TENT5D: variants seen among roughly 807,000 people sequenced by gnomAD.
The protein encoded by TENT5D is cancer/testis antigen 112.
For missense variants in TENT5D, 191 were observed against 287.0 expected, an observed-to-expected ratio of 0.67 and a Z score of 2.42; for synonymous variants, 103 against 100.6, an observed-to-expected ratio of 1.02 and a Z score of -0.15.
intron 3 of TENT5D, among the ~76,000 whole-genome samples, chrX:80,405,609 A>G (rs746746596): frequency 1.3e-4 from 15 of 111,984 alleles, no homozygotes; most frequent in Non-Finnish European, 2.3e-4. Context: ...TCCTACGCCC[A>G]GGGAGTCTCG....
At chrX:80,430,723 A>AT (rs936624511) in intron 1 of TENT5D, among the ~76,000 whole-genome samples, 1 of 110,968 alleles carries the variant, frequency 9.0e-6, no homozygotes, top group Non-Finnish European at 1.9e-5. Context: ...AATATATGCC[A>AT]TTTTTTTTCT....
chrX:80,377,741 G>A (rs1412464596), intron 3 of TENT5D, among the ~76,000 whole-genome samples: 2 of 111,781 alleles, frequency 1.8e-5, no homozygotes, highest in Non-Finnish European at 3.8e-5. Flanking sequence ...AATCCTTTGG[G>A]TATATACCCA....
intron 3 of TENT5D, among the ~76,000 whole-genome samples, chrX:80,402,154 CT>C (rs1931400622): frequency 9.0e-6 from 1 of 111,232 alleles, no homozygotes; most frequent in African/African-American, 3.3e-5. Flanking sequence ...AGAAATTTAT[CT>C]GTTTTTTCCT....
chrX:80,383,795 G>T (rs1342353302), intron 3 of TENT5D, among the ~76,000 whole-genome samples: 1 of 111,457 alleles, frequency 9.0e-6, no homozygotes, highest in East Asian at 2.8e-4. Context: ...GGTGGAGCTT[G>T]CAGTGAGCCG....
At chrX:80,395,032 C>T (rs1158466214) in intron 3 of TENT5D, among the ~76,000 whole-genome samples, 2 of 111,653 alleles carry the variant, frequency 1.8e-5, no homozygotes, top group African/African-American at 6.5e-5. Context: ...TGCTCTCTTC[C>T]CTCCCCAGTC....
At chrX:80,407,167 C>T (rs1029244178) in intron 3 of TENT5D, among the ~76,000 whole-genome samples, 1 of 108,716 alleles carries the variant, frequency 9.2e-6, no homozygotes, top group Non-Finnish European at 1.9e-5. Context: ...TAAAGACCAT[C>T]GAGACTAGGA....
At chrX:80,337,478 A>G (rs1183521898) in intron 2 of TENT5D, among the ~76,000 whole-genome samples, 2 of 111,473 alleles carry the variant, frequency 1.8e-5, no homozygotes, top group East Asian at 2.8e-4. Flanking sequence ...AGTGATGCCT[A>G]TTTTTTAATT....
intron 3 of TENT5D, among the ~76,000 whole-genome samples, chrX:80,360,639 A>G (rs1569358183): frequency 1.8e-5 from 2 of 111,943 alleles, no homozygotes; most frequent in East Asian, 2.8e-4. Context: ...TGTTGGCTAC[A>G]CATGATATGA....
chrX:80,351,476 G>A (rs1291858540), intron 3 of TENT5D, among the ~76,000 whole-genome samples: 2 of 107,837 alleles, frequency 1.9e-5, no homozygotes, highest in East Asian at 3.0e-4. Context: ...CGAAGTTCTT[G>A]TGCTGTGTTT....
At chrX:80,349,520 T>G (rs762986343) in intron 3 of TENT5D, among the ~76,000 whole-genome samples, 1 of 111,439 alleles carries the variant, frequency 9.0e-6, no homozygotes, top group Admixed American at 9.5e-5. Context: ...TTATAATTTT[T>G]TATTGTGTCT....
At chrX:80,373,884 G>A (rs1177881222) in intron 3 of TENT5D, among the ~76,000 whole-genome samples, 2 of 111,184 alleles carry the variant, frequency 1.8e-5, no homozygotes, top group African/African-American at 6.5e-5. Flanking sequence ...GGTTTGTTAT[G>A]TAGGTAAACT....
intron 1 of TENT5D, among the ~76,000 whole-genome samples, chrX:80,430,547 T>C (rs1310980367): frequency 8.9e-6 from 1 of 111,734 alleles, no homozygotes; most frequent in Non-Finnish European, 1.9e-5. Context: ...CTGGGTTATC[T>C]TGCAAGGCAA....
chrX:80,442,620 T>A (rs1196845061), exon 3 of TENT5D: 38 of 1,208,332 alleles, frequency 3.1e-5, no homozygotes, highest in Non-Finnish European at 4.1e-5. Flanking sequence ...TAATTCCAAT[T>A]CATGGAAAGG....
At chrX:80,380,230 C>T (rs1385343548) in intron 3 of TENT5D, among the ~76,000 whole-genome samples, 2 of 110,041 alleles carry the variant, frequency 1.8e-5, no homozygotes, top group Non-Finnish European at 3.8e-5. Flanking sequence ...AGTAGTCATT[C>T]AGGAGCAGGT....
upstream of TENT5D, among the ~76,000 whole-genome samples, chrX:80,419,904 G>A (rs1428035688): frequency 3.6e-5 from 4 of 110,815 alleles, no homozygotes; most frequent in South Asian, 3.8e-4. Flanking sequence ...TTATAGAGTC[G>A]AAGTCTCTCT....
chrX:80,414,676 G>T (rs1419726382), intron 3 of TENT5D, among the ~76,000 whole-genome samples: 1 of 111,839 alleles, frequency 8.9e-6, no homozygotes, highest in Non-Finnish European at 1.9e-5. Flanking sequence ...GTGAGTCCTT[G>T]ATCAGCCTTC....
intron 3 of TENT5D, among the ~76,000 whole-genome samples, chrX:80,413,193 G>A (rs1931705724): frequency 1.8e-5 from 2 of 111,811 alleles, no homozygotes; most frequent in South Asian, 3.7e-4. Context: ...ATTTAGTTAA[G>A]CCATGTGAAC....
intron 3 of TENT5D, among the ~76,000 whole-genome samples, chrX:80,382,287 G>A (rs968156534): frequency 4.5e-5 from 5 of 112,035 alleles, no homozygotes; most frequent in African/African-American, 1.6e-4. Context: ...ACCAACAGAG[G>A]CTGCAGAATA....
At chrX:80,391,306 G>A (rs1345778958) in intron 3 of TENT5D, among the ~76,000 whole-genome samples, 2 of 111,281 alleles carry the variant, frequency 1.8e-5, no homozygotes, top group East Asian at 2.8e-4. Flanking sequence ...ATACTAGGGA[G>A]GTGAGGTTAA....
Sources: gnomAD v4.1 joint callset for allele counts (sites outside exome capture counted in the v4.1 genomes callset) on GRCh38, gnomAD v4.1.1 for gene constraint, MANE v1.5 for transcripts, NCBI Gene and HGNC (gene_info 2026-07-23, HGNC 2026-07-21) for gene names.